The following ZFPM2 variants were observed in gnomAD, a reference collection of about 807,000 sequenced individuals.
The protein encoded by ZFPM2 is zinc finger protein, FOG family member 2, also known as zinc finger protein ZFPM2.
In ZFPM2, 20 loss-of-function variants were observed where a neutral mutation model predicts 98.6. That is an observed-to-expected ratio of 0.20 (90% CI 0.14 to 0.29). The LOEUF is 0.29. ZFPM2 is among the 10% of genes least tolerant of loss of function. ZFPM2 has a pLI of 1.00. For missense variants in ZFPM2, 1,310 were observed against 1,388.6 expected, an observed-to-expected ratio of 0.94 and a Z score of 0.90; for synonymous variants, 518 against 502.7, an observed-to-expected ratio of 1.03 and a Z score of -0.41.
At chr8:105,700,652 G>GT (rs1243778168) in intron 5 of ZFPM2, among the ~76,000 whole-genome samples, 1 of 152,108 alleles carries the variant, frequency 6.6e-6, no homozygotes, top group Non-Finnish European at 1.5e-5. Flanking sequence ...GTGCAGTGCA[G>GT]TAGCATGATC....
chr8:105,616,737 T>C (rs1817023), intron 4 of ZFPM2: 1 of 325,730 alleles, frequency 3.1e-6, no homozygotes. Context: ...CACACCATAG[T>C]TTGGGTGCGG....
chr8:105,622,653 G>GCA (rs1331784358), intron 4 of ZFPM2, among the ~76,000 whole-genome samples: 7 of 152,122 alleles, frequency 4.6e-5, no homozygotes, highest in Admixed American at 1.3e-4. Flanking sequence ...AGCATGTTGA[G>GCA]TGGATCTGTT....
chr8:105,576,850 A>T (rs1367852663), intron 4 of ZFPM2, among the ~76,000 whole-genome samples: 1 of 152,152 alleles, frequency 6.6e-6, no homozygotes, highest in African/African-American at 2.4e-5. Context: ...CCTTTTGGAC[A>T]TGTCACCCTA....
intron 2 of ZFPM2, among the ~76,000 whole-genome samples, chr8:105,442,916 T>G (rs147186312): frequency 1.9e-3 from 281 of 151,474 alleles, no homozygotes; most frequent in African/African-American, 6.4e-3. Flanking sequence ...TTTTGTATAA[T>G]CATATAAAGA....
intron 3 of ZFPM2, among the ~76,000 whole-genome samples, chr8:105,471,735 C>T (rs2130349640): frequency 6.6e-6 from 1 of 152,280 alleles, no homozygotes; most frequent in South Asian, 2.1e-4. Context: ...TTTTTAAGTT[C>T]TCTACTGATA....
intron 1 of ZFPM2, among the ~76,000 whole-genome samples, chr8:105,404,849 A>C (rs1223833230): frequency 1.3e-5 from 2 of 152,092 alleles, no homozygotes; most frequent in Non-Finnish European, 2.9e-5. Context: ...TCCCGATAAC[A>C]GGCCACTTAT....
intron 5 of ZFPM2, among the ~76,000 whole-genome samples, chr8:105,718,922 A>G (rs1811589766): frequency 6.6e-6 from 1 of 151,860 alleles, no homozygotes; most frequent in Non-Finnish European, 1.5e-5. Context: ...ATGTAGAGAG[A>G]TGACTTATTA....
chr8:105,479,777 A>G (rs1813080998), intron 3 of ZFPM2, among the ~76,000 whole-genome samples: 2 of 152,180 alleles, frequency 1.3e-5, no homozygotes, highest in South Asian at 2.1e-4. Context: ...GTTTTCTATA[A>G]CCTGGGATAT....
intron 4 of ZFPM2, among the ~76,000 whole-genome samples, chr8:105,619,001 A>G (rs1176726061): frequency 6.6e-6 from 1 of 152,204 alleles, no homozygotes; most frequent in Non-Finnish European, 1.5e-5. Context: ...TATTAAAATG[A>G]TGTTTAATAG....
rs189687434 is a variant in ZFPM2, at chr8:105,649,651, G to C, written c.532+15294G>C. 3.9e-5 allele frequency among the ~76,000 whole-genome samples: 6 copies of C among 152,284 alleles called. No homozygotes were observed. The East Asian group carries it at 1.2e-3, about 29-fold the overall frequency. On this transcript the variant is annotated intron_variant, in intron 5 of 7. Transcript: ENST00000407775. ...CTATTGAGATAGTCACGTGGTTTTTGTCTTTGCTTCTGTTTATATGCTGGA... is the reference window on the plus strand; with the variant it reads ...CTATTGAGATAGTCACGTGGTTTTTCTCTTTGCTTCTGTTTATATGCTGGA...
At position 105,372,332 on chromosome 8, in the gene ZFPM2, G is replaced by A. The variant is rs572260925; in HGVS notation, c.41-46812G>A. 2.2e-4 allele frequency among the ~76,000 whole-genome samples: 33 copies of A among 152,130 alleles called. No individual in the cohort carries two copies. The South Asian group carries it at 2.3e-3, about 11-fold the overall frequency. On this transcript the variant is annotated intron_variant, in intron 1 of 7. Coordinates refer to ENST00000407775, the MANE Select transcript of ZFPM2 (RefSeq NM_012082.4). ...GCTGGGATTACAGGCGTGAGCCACC[G>A]CGCCCGGCCTATTATTTTTAGTACT... is the stretch of plus-strand genomic sequence containing the variant.
At chr8:105,664,175 A>G (rs1386548947) in intron 5 of ZFPM2, among the ~76,000 whole-genome samples, 1 of 152,224 alleles carries the variant, frequency 6.6e-6, no homozygotes, top group Non-Finnish European at 1.5e-5. Flanking sequence ...CCATTGCATT[A>G]CAATTCATTG....
intron 5 of ZFPM2, among the ~76,000 whole-genome samples, chr8:105,682,892 T>C (rs1296869578): frequency 6.6e-6 from 1 of 152,148 alleles, no homozygotes; most frequent in East Asian, 1.9e-4. Context: ...TTGAGTGTTA[T>C]CTTAATCTGT....
intron 3 of ZFPM2, among the ~76,000 whole-genome samples, chr8:105,536,251 T>C (rs936092578): frequency 1.3e-5 from 2 of 152,136 alleles, no homozygotes; most frequent in African/African-American, 4.8e-5. Flanking sequence ...ATGAATGTGG[T>C]CTATTTTAAT....
chr8:105,486,743 A>G (rs75800650), intron 3 of ZFPM2, among the ~76,000 whole-genome samples: 97 of 152,322 alleles, frequency 6.4e-4, no homozygotes, highest in African/African-American at 2.1e-3. Flanking sequence ...AAAGAGATTG[A>G]TGTGTATAAG....
intron 4 of ZFPM2, among the ~76,000 whole-genome samples, chr8:105,620,293 C>T (rs1816509164): frequency 6.6e-6 from 1 of 152,160 alleles, no homozygotes; most frequent in South Asian, 2.1e-4. Context: ...TGATGATGAG[C>T]ATTTTTTCAT....
Position 105,421,455 on chromosome 8 carries a change from A to C in ZFPM2, c.199+2153A>C, listed in dbSNP as rs574185406. Among the ~76,000 whole-genome samples, 5 of 152,290 alleles carry C rather than the reference A, an allele frequency of 3.3e-5. No individual in the cohort carries two copies. In the East Asian group the frequency reaches 5.8e-4, roughly 18 times the overall value. On this transcript the variant is annotated intron_variant, in intron 2 of 7. Transcript: ENST00000407775. ...ATTTTTCAGGATAAATAGTAATATT[A>C]CTATTGATAGGAAAAGAATTTCATT...
intron 3 of ZFPM2, among the ~76,000 whole-genome samples, chr8:105,461,751 C>T (rs1461516731): frequency 2.6e-5 from 4 of 152,032 alleles, no homozygotes; most frequent in Non-Finnish European, 5.9e-5. Flanking sequence ...GATATAAGAG[C>T]GAACAAATTC....
intron 3 of ZFPM2, among the ~76,000 whole-genome samples, chr8:105,480,470 G>A (rs547990076): frequency 5.9e-5 from 9 of 152,210 alleles, no homozygotes; most frequent in African/African-American, 1.4e-4. Context: ...ATGTGCTACC[G>A]CAGAGAAAAT....
Sources: gnomAD v4.1 joint callset for allele counts (sites outside exome capture counted in the v4.1 genomes callset) on GRCh38, gnomAD v4.1.1 for gene constraint, MANE v1.5 for transcripts, NCBI Gene and HGNC (gene_info 2026-07-23, HGNC 2026-07-21) for gene names.